Variants in HIPK1 observed in about 807,000 individuals in gnomAD.
HIPK1 encodes homeodomain interacting protein kinase 1.
Under a neutral mutation model 117.1 loss-of-function variants are expected in HIPK1, and 28 were observed. The ratio of observed to expected loss-of-function variants is 0.24; its 90% CI spans 0.18 to 0.33. The LOEUF is 0.33. HIPK1 is among the 10% of genes least tolerant of loss of function. HIPK1 has a pLI of 1.00. For synonymous variants in HIPK1, 605 were observed against 562.5 expected, an observed-to-expected ratio of 1.08 and a Z score of -1.07; for missense variants, 1,122 against 1,475.1, an observed-to-expected ratio of 0.76 and a Z score of 3.92.
chr1:113,968,625 GGAC>G lies in HIPK1; in HGVS notation c.2749_2751del (p.Asp917del). Reference sequence around the variant, plus strand: ...TCCGAAGTGACACTGATGAGGAAGAGGACAACAAATACAAGCCCAGTAGGTAAG... The same window carrying G: ...TCCGAAGTGACACTGATGAGGAAGAGAACAAATACAAGCCCAGTAGGTAAG... On this transcript the variant is annotated inframe_deletion, in exon 13 of 16. Transcript: ENST00000426820. 2.5e-6 allele frequency: 4 copies of G among 1,613,952 alleles called. No homozygotes were observed. The highest frequency in any genetic ancestry group is 3.4e-6 in the Non-Finnish European group (4 of 1,179,804).
At chr1:113,948,555 A>ATTTT (rs57302174) in intron 2 of HIPK1, among the ~76,000 whole-genome samples, 2 of 139,792 alleles carry the variant, frequency 1.4e-5, no homozygotes, top group African/African-American at 5.3e-5. Flanking sequence ...TTCTGGCCGT[A>ATTTT]TTTTTTTTTT....
In HIPK1 at chr1:113,940,728, T is replaced by C. The variant is rs1670594139; in HGVS notation, c.345T>C (p.Leu115=). Residue 115 remains leucine, a synonymous_variant, in exon 2 of 16, where the codon CTT becomes CTC. Transcript: ENST00000426820. Reference sequence around the variant, plus strand: ...CTCACAGAAGCAACGTTTCTTTGCTTGAGCCATATCAAAAATGTGGATTGA... The same window carrying C: ...CTCACAGAAGCAACGTTTCTTTGCTCGAGCCATATCAAAAATGTGGATTGA... ...TLTHRSNVSL[L]EPYQKCGLKR... 1 of 1,614,152 alleles carries C rather than the reference T, an allele frequency of 6.2e-7. No individual in the cohort carries two copies. Among genetic ancestry groups the C allele is most frequent in the Non-Finnish European group, 8.5e-7 (1 of 1,180,040 alleles).
chr1:113,929,326 C>T lies in HIPK1; in HGVS notation c.-209C>T, dbSNP rs1199021480. On this transcript the variant is annotated 5_prime_UTR_variant, in exon 1 of 16. Coordinates refer to ENST00000426820, the MANE Select transcript of HIPK1 (RefSeq NM_198268.3). Reference sequence around the variant, plus strand: ...GGTGATGTCACACTAGCTGGGATGACATTTTACAGTTGGATCCCGTACCAC... The same window carrying T: ...GGTGATGTCACACTAGCTGGGATGATATTTTACAGTTGGATCCCGTACCAC... 1.6e-6 allele frequency: 2 copies of T among 1,289,462 alleles called. No individual in the cohort carries two copies. Among genetic ancestry groups the T allele is most frequent in the Non-Finnish European group, 2.0e-6 (2 of 988,840 alleles). The allele number at this position is 1,289,462 out of a possible 1,614,324, so 79.9% of individuals were successfully genotyped here.
At chr1:113,939,455 A>G (rs1175889545) in intron 1 of HIPK1, among the ~76,000 whole-genome samples, 2 of 151,778 alleles carry the variant, frequency 1.3e-5, no homozygotes, top group Non-Finnish European at 2.9e-5. Flanking sequence ...CATAATTAAG[A>G]TAGAAAACTG....
intron 9 of HIPK1, 104 bp from the exon 10 acceptor site, chr1:113,963,283 T>C: frequency 7.6e-7 from 1 of 1,311,214 alleles, no homozygotes; most frequent in South Asian, 1.4e-5. Flanking sequence ...GCTATCAAAT[T>C]ACTGTTCATT....
rs184026704 is a variant in HIPK1, at chr1:113,966,473, G to C, written c.2381+201G>C. Among the ~76,000 whole-genome samples, 96 of 152,272 alleles carry C rather than the reference G, an allele frequency of 6.3e-4. No homozygotes were observed. The South Asian group carries it at 7.9e-3, about 12-fold the overall frequency. ...GAAAGCAGTAGGTTCTGAAGGTCAG[G>C]AATCATTTCTTCTAGATTTTTTAAA... is the stretch of plus-strand genomic sequence containing the variant. On this transcript the variant is annotated intron_variant, in intron 11 of 15. Transcript: ENST00000426820.
chr1:113,941,598 A>G lies in HIPK1; in HGVS notation c.1076+139A>G, dbSNP rs1049479463. On this transcript the variant is annotated intron_variant, in intron 2 of 15. Transcript: ENST00000426820. This position sits in a 1 kb window ranked among gnomAD's most constrained non-coding sequence, Gnocchi z 4.9. ...AATAGGATATGTTTTAGCTCATTCT[A>G]TGTGTGTGGCATTCCTATATATGAC... is the stretch of plus-strand genomic sequence containing the variant. 54 of 674,640 alleles carry G rather than the reference A, an allele frequency of 8.0e-5. No individual in the cohort carries two copies. The highest frequency in any genetic ancestry group is 6.6e-4 in the African/African-American group (37 of 55,644). 41.8% of individuals were successfully genotyped at this position (674,640 alleles called of 1,614,324 possible). A position where few individuals can be genotyped will look rare whatever the true frequency, so the allele number is the denominator to read the frequency against.
Position 113,929,541 on chromosome 1 carries a change from C to T in HIPK1, c.-3+9C>T. ...GCTGCACTTCCGCCTCAGTAGGTGTCATGGCGCGGGGCGGGTGAATAGTTC... is the reference window on the plus strand; with the variant it reads ...GCTGCACTTCCGCCTCAGTAGGTGTTATGGCGCGGGGCGGGTGAATAGTTC... On this transcript the variant is annotated intron_variant, in intron 1 of 15. Coordinates refer to ENST00000426820, the MANE Select transcript of HIPK1 (RefSeq NM_198268.3). 1 of 1,285,630 alleles carries T rather than the reference C, an allele frequency of 7.8e-7. No homozygotes were observed. Among genetic ancestry groups the T allele is most frequent in the East Asian group, 5.6e-5 (1 of 18,002 alleles). 79.6% of individuals were successfully genotyped at this position (1,285,630 alleles called of 1,614,324 possible).
intron 10 of HIPK1, 35 bp downstream of exon 10, chr1:113,963,556 G>A: frequency 6.4e-7 from 1 of 1,555,250 alleles, no homozygotes; most frequent in Non-Finnish European, 8.7e-7. Context: ...TACTAACGGA[G>A]TTTCTTTGGT....
rs563845745 is a variant in HIPK1, at chr1:113,958,742, A to G, written c.1981+451A>G. Among the ~76,000 whole-genome samples, 15 of 152,382 alleles carry G rather than the reference A, an allele frequency of 9.8e-5. No individual in the cohort carries two copies. In the South Asian group the frequency reaches 3.1e-3, roughly 32 times the overall value. On this transcript the variant is annotated intron_variant, in intron 8 of 15. Transcript: ENST00000426820. ...ATTCTAAAATGTAAAAATCATGTTT[A>G]AGAATGTGGAAACATCTTAAATTAC...
At chr1:113,960,132 G>A (rs1370525875) in intron 8 of HIPK1, among the ~76,000 whole-genome samples, 1 of 151,996 alleles carries the variant, frequency 6.6e-6, no homozygotes, top group Admixed American at 6.6e-5. Context: ...CACTTTTCTT[G>A]GACTATCTGT....
At position 113,956,719 on chromosome 1, in the gene HIPK1, A is replaced by G. The variant is rs2101347995; in HGVS notation, c.1500A>G (p.Thr500=). The G allele has an allele frequency of 6.2e-7, 1 of 1,614,032 alleles. No homozygotes were observed. The highest frequency in any genetic ancestry group is 1.1e-5 in the South Asian group (1 of 91,074). ...TTGATCTGTTAAAGAAAATGCTCAC[A>G]ATTGATGCAGATAAGAGAATTACCC... ...EYIDLLKKML[T]IDADKRITPL... The change falls in exon 6 of 16, where the codon ACA becomes ACG. Residue 500 remains threonine, a synonymous_variant. Transcript: ENST00000426820.
At position 113,967,907 on chromosome 1, in the gene HIPK1, C is replaced by G. The variant is rs370992016; in HGVS notation, c.2523C>G (p.Leu841=). 9 of 1,610,068 alleles carry G rather than the reference C, an allele frequency of 5.6e-6. No individual in the cohort carries two copies. The highest frequency in any genetic ancestry group is 7.6e-6 in the Non-Finnish European group (9 of 1,179,054). Residue 841 remains leucine (L), a synonymous_variant, in exon 12 of 16, where the codon CTC becomes CTG. Coordinates refer to ENST00000426820, the MANE Select transcript of HIPK1 (RefSeq NM_198268.3). ...TCAGACAACAACAATCCAGTTCCCT[C>G]CCTTCGAAGAAGAATAAGCAGTCAG... is the stretch of plus-strand genomic sequence containing the variant. The part of the protein sequence containing the change: ...HVVRQQQSSS[L]PSKKNKQSAP...
intron 1 of HIPK1, among the ~76,000 whole-genome samples, chr1:113,938,968 G>A (rs1670460388): frequency 9.1e-6 from 1 of 110,136 alleles, no homozygotes; most frequent in Admixed American, 9.9e-5. Context: ...ACACACTTAG[G>A]AGATGGAATG....
chr1:113,957,229 T>G lies in HIPK1; in HGVS notation c.1698T>G (p.Asn566Lys). The G allele has an allele frequency of 6.2e-7, 1 of 1,613,914 alleles. No individual in the cohort carries two copies. Among genetic ancestry groups the G allele is most frequent in the Middle Eastern group, 1.7e-4 (1 of 6,060 alleles). Residue 566 changes from asparagine (N) to lysine (K), a missense_variant, in exon 7 of 16, where the codon AAT (asparagine) becomes AAG (lysine). Asn to Lys is a moderately conservative substitution (Grantham distance 94). This residue lies in a region of HIPK1 where 731 missense variants were observed against 860.4 expected (regional missense o/e 0.85). Coordinates refer to ENST00000426820, the MANE Select transcript of HIPK1 (RefSeq NM_198268.3). Reference sequence around the variant, plus strand: ...CCTTCACTACACATGTTGCCCCAAATACAAGCACAAATCTAACCATGAGCT... The same window carrying G: ...CCTTCACTACACATGTTGCCCCAAAGACAAGCACAAATCTAACCATGAGCT... ...KSPFTTHVAP[N>K]TSTNLTMSFS... is the part of the protein sequence containing the mutation.
intron 1 of HIPK1, among the ~76,000 whole-genome samples, chr1:113,936,485 G>A (rs1278925017): frequency 6.7e-6 from 1 of 149,894 alleles, no homozygotes; most frequent in Non-Finnish European, 1.5e-5. Context: ...TTTTTTTTGA[G>A]ATGGAGTCTC....
chr1:113,960,354 G>C (rs971464820), intron 8 of HIPK1, among the ~76,000 whole-genome samples: 1 of 151,920 alleles, frequency 6.6e-6, no homozygotes, highest in Non-Finnish European at 1.5e-5. Context: ...TTCCACTTTT[G>C]GGCTCAGCCT....
chr1:113,949,329 G>C (rs1360610717), intron 2 of HIPK1, among the ~76,000 whole-genome samples: 3 of 152,060 alleles, frequency 2.0e-5, no homozygotes, highest in Non-Finnish European at 4.4e-5. Flanking sequence ...TGCTCCCCCT[G>C]CCAGCTATTT....
intron 1 of HIPK1, chr1:113,930,000 G>C: frequency 1.0e-6 from 1 of 985,340 alleles, no homozygotes; most frequent in Non-Finnish European, 1.2e-6. Flanking sequence ...AGCTCCCTGA[G>C]GCGGGGCCGG....
Sources: gnomAD v4.1 joint callset for allele counts (sites outside exome capture counted in the v4.1 genomes callset) on GRCh38, gnomAD v4.1.1 for gene constraint, gnomAD v4.1.1 regional missense constraint, Gnocchi (gnomAD v3.1) non-coding constraint, MANE v1.5 for transcripts, NCBI Gene and HGNC (gene_info 2026-07-23, HGNC 2026-07-21) for gene names.